PEX11G: variants seen among roughly 807,000 people sequenced by gnomAD.
PEX11G encodes peroxisomal membrane protein 11C.
Under a neutral mutation model 22.5 loss-of-function variants are expected in PEX11G, and 20 were observed. The observed-to-expected ratio is 0.89, with a 90% CI of 0.62 to 1.29. The LOEUF is 1.29. Among genes scored for constraint, PEX11G ranks in the 50% most tolerant of loss-of-function variants. PEX11G has a pLI of 0.00. For missense variants in PEX11G, 347 were observed against 331.3 expected, an observed-to-expected ratio of 1.05 and a Z score of -0.37; for synonymous variants, 141 against 154.5, an observed-to-expected ratio of 0.91 and a Z score of 0.65.
upstream of PEX11G, among the ~76,000 whole-genome samples, chr19:7,491,574 G>T (rs1452282121): frequency 3.3e-5 from 5 of 151,254 alleles, no homozygotes; most frequent in Non-Finnish European, 7.4e-5. Context: ...CGACCTCCTT[G>T]ATATTTCATA....
chr19:7,484,724 G>T (rs958081759), intron 2 of PEX11G, among the ~76,000 whole-genome samples: 1 of 151,056 alleles, frequency 6.6e-6, no homozygotes, highest in African/African-American at 2.4e-5. Context: ...AGTGAGCCGA[G>T]ATCACGCCAC....
intron 2 of PEX11G, among the ~76,000 whole-genome samples, chr19:7,484,345 C>T (rs1395201904): frequency 1.5e-5 from 2 of 135,392 alleles, no homozygotes; most frequent in East Asian, 2.1e-4. Context: ...CAGAGTGAGA[C>T]CCTGTCTCCA....
At chr19:7,487,312 G>C (rs954355312) in intron 1 of PEX11G, among the ~76,000 whole-genome samples, 1 of 152,228 alleles carries the variant, frequency 6.6e-6, no homozygotes, top group Non-Finnish European at 1.5e-5. Flanking sequence ...GGTGGGCACA[G>C]GTGATCAGGC....
intron 2 of PEX11G, among the ~76,000 whole-genome samples, chr19:7,484,637 G>A (rs970959669): frequency 4.6e-5 from 7 of 152,042 alleles, no homozygotes; most frequent in African/African-American, 1.2e-4. Context: ...GCCAGGCATG[G>A]TGGGGGGTGC....
chr19:7,482,904 C>T (rs1174786934), intron 2 of PEX11G, among the ~76,000 whole-genome samples: 1 of 152,248 alleles, frequency 6.6e-6, no homozygotes, highest in East Asian at 1.9e-4. Context: ...AATTGCAATG[C>T]ACACGCGGGC....
At chr19:7,484,533 G>A (rs1316691147) in intron 2 of PEX11G, among the ~76,000 whole-genome samples, 4 of 152,098 alleles carry the variant, frequency 2.6e-5, no homozygotes, top group Admixed American at 2.0e-4. Context: ...AGCAGTTTGG[G>A]AGGCTGAGGC....
chr19:7,480,612 C>G (rs967247286), intron 3 of PEX11G, among the ~76,000 whole-genome samples: 2 of 152,224 alleles, frequency 1.3e-5, no homozygotes, highest in African/African-American at 4.8e-5. Flanking sequence ...TTCGAATCTT[C>G]TACTCTGAGG....
At chr19:7,485,055 G>A (rs1235950674) in intron 2 of PEX11G, among the ~76,000 whole-genome samples, 3 of 152,142 alleles carry the variant, frequency 2.0e-5, no homozygotes, top group Non-Finnish European at 4.4e-5. Context: ...ACTCAGGGAG[G>A]CTAAGGCGGG....
At chr19:7,477,504 G>A (rs1977278431) in intron 4 of PEX11G, 68 bp from the exon 5 acceptor site, 2 of 1,258,842 alleles carry the variant, frequency 1.6e-6, no homozygotes, top group South Asian at 3.6e-5. Flanking sequence ...GCCCCTGAAT[G>A]CCCTGTGTGG....
chr19:7,489,177 T>C, upstream of PEX11G: 1 of 758,370 alleles, frequency 1.3e-6, no homozygotes, highest in Admixed American at 6.2e-5. Flanking sequence ...TTTGCAGAGG[T>C]GGGGCCGACA....
rs1327213761 is a variant in PEX11G, at chr19:7,489,023, A to T, written c.-13T>A. The T allele has an allele frequency of 1.3e-6, 2 of 1,512,454 alleles. No individual in the cohort carries two copies. Among genetic ancestry groups the T allele is most frequent in the African/African-American group, 1.4e-5 (1 of 69,156 alleles). 93.7% of individuals were successfully genotyped at this position (1,512,454 alleles called of 1,614,324 possible). A position where few individuals can be genotyped will look rare whatever the true frequency, so the allele number is the denominator to read the frequency against. On this transcript the variant is annotated 5_prime_UTR_variant, in exon 1 of 5. Transcript: ENST00000221480. ...TCAGCGACGCCATGGCAACTCCGTG[A>T]CGTCACCGCGACGTCGGCGCGCCGC...
intron 2 of PEX11G, among the ~76,000 whole-genome samples, chr19:7,484,033 T>C (rs1253234812): frequency 5.3e-5 from 8 of 152,204 alleles, no homozygotes; most frequent in African/African-American, 1.9e-4. Flanking sequence ...TATGTGGTCC[T>C]GAGAACGCAG....
chr19:7,489,188 C>T (rs2021818167), upstream of PEX11G: 3 of 761,460 alleles, frequency 3.9e-6, no homozygotes, highest in African/African-American at 1.9e-5. Flanking sequence ...GGGGCCGACA[C>T]GTGTGTGCTC....
chr19:7,489,026 T>C lies in PEX11G; in HGVS notation c.-16A>G, dbSNP rs372569172. On this transcript the variant is annotated 5_prime_UTR_variant, in exon 1 of 5. Coordinates refer to ENST00000221480, the MANE Select transcript of PEX11G (RefSeq NM_080662.4). ...GCGACGCCATGGCAACTCCGTGACG[T>C]CACCGCGACGTCGGCGCGCCGCGCC... The C allele has an allele frequency of 1.8e-5, 27 of 1,507,144 alleles. No individual in the cohort carries two copies. In the East Asian group the frequency reaches 1.9e-4, roughly 11 times the overall value. 93.4% of individuals were successfully genotyped at this position (1,507,144 alleles called of 1,614,324 possible). A position where few individuals can be genotyped will look rare whatever the true frequency, so the allele number is the denominator to read the frequency against.
chr19:7,477,641 C>T (rs900335055), intron 4 of PEX11G, among the ~76,000 whole-genome samples: 9 of 152,256 alleles, frequency 5.9e-5, no homozygotes, highest in African/African-American at 2.2e-4. Flanking sequence ...GGCAGGAACC[C>T]GGGTCCAAGT....
At chr19:7,488,836 G>T in intron 1 of PEX11G, 115 bp downstream of exon 1, 1 of 1,064,382 alleles carries the variant, frequency 9.4e-7, no homozygotes, top group Non-Finnish European at 1.4e-6. Context: ...TAGCTCGGAC[G>T]GGGCCTCTGC....
chr19:7,485,800 C>A, intron 2 of PEX11G, 38 bp downstream of exon 2: 1 of 1,543,986 alleles, frequency 6.5e-7, no homozygotes, highest in South Asian at 1.2e-5. Flanking sequence ...CCACTCAGGT[C>A]CGCACCCTAC....
intron 2 of PEX11G, among the ~76,000 whole-genome samples, chr19:7,485,402 C>CTGGA (rs2021596116): frequency 6.6e-6 from 1 of 151,926 alleles, no homozygotes; most frequent in South Asian, 2.1e-4. Flanking sequence ...GTCGTCCAGG[C>CTGGA]TGGAGTGCAG....
At chr19:7,484,138 T>G (rs1977638377) in intron 2 of PEX11G, among the ~76,000 whole-genome samples, 1 of 152,050 alleles carries the variant, frequency 6.6e-6, no homozygotes, top group Non-Finnish European at 1.5e-5. Context: ...GTGGATCACT[T>G]GAGCCCAGGA....
Sources: gnomAD v4.1 joint callset for allele counts (sites outside exome capture counted in the v4.1 genomes callset) on GRCh38, gnomAD v4.1.1 for gene constraint, MANE v1.5 for transcripts, NCBI Gene and HGNC (gene_info 2026-07-23, HGNC 2026-07-21) for gene names.